The following GINS3 variants were observed in gnomAD, a reference collection of about 807,000 sequenced individuals.
GINS3 encodes the protein GINS complex subunit 3, also known as DNA replication complex GINS protein PSF3.
Under a neutral mutation model 20.0 loss-of-function variants are expected in GINS3, and 18 were observed. The ratio of observed to expected loss-of-function variants is 0.90; its 90% CI spans 0.62 to 1.33. GINS3 has a LOEUF of 1.33. Ranked by LOEUF, GINS3 falls within the 40% of genes most tolerant of loss-of-function variation. The pLI, the probability that GINS3 is intolerant of heterozygous loss-of-function variation, is 0.00. For synonymous variants in GINS3, 109 were observed against 107.0 expected, an observed-to-expected ratio of 1.02 and a Z score of -0.12; for missense variants, 254 against 273.6, an observed-to-expected ratio of 0.93 and a Z score of 0.51.
At chr16:58,397,304 C>T (rs1286297554) in intron 1 of GINS3, among the ~76,000 whole-genome samples, 79 of 150,278 alleles carry the variant, frequency 5.3e-4, no homozygotes, top group South Asian at 8.5e-4. Flanking sequence ...CGGGCAGAGA[C>T]GCTCCTCACT....
In GINS3 at chr16:58,403,286, T is replaced by C; in HGVS notation, c.375T>C (p.His125=). Residue 125 remains histidine, a synonymous_variant, in exon 2 of 3, where the codon CAT becomes CAC. Coordinates refer to ENST00000318129, the MANE Select transcript of GINS3 (RefSeq NM_022770.4). ...ACGGGTTTGGCTCCCAGCTCCTGCA[T>C]TTTGACAGTCCCGAGAATGCAGACA... ...HFYGFGSQLL[H]FDSPENADIS... 1 of 1,614,124 alleles carries C rather than the reference T, an allele frequency of 6.2e-7. No individual in the cohort carries two copies. The highest frequency in any genetic ancestry group is 2.2e-5 in the East Asian group (1 of 44,882).
chr16:58,399,644 TCTTA>T (rs1379161142), intron 1 of GINS3, among the ~76,000 whole-genome samples: 32 of 152,168 alleles, frequency 2.1e-4, no homozygotes, highest in African/African-American at 6.8e-4. Context: ...ATTTTTACCT[TCTTA>T]CTATTTTCTT....
intron 1 of GINS3, among the ~76,000 whole-genome samples, chr16:58,399,458 T>C (rs1237688200): frequency 6.6e-6 from 1 of 152,238 alleles, no homozygotes; most frequent in Non-Finnish European, 1.5e-5. Context: ...CTCCTGTCTT[T>C]TGATTCATGT....
intron 1 of GINS3, among the ~76,000 whole-genome samples, chr16:58,396,773 C>A (rs1596956817): frequency 8.1e-6 from 1 of 124,074 alleles, no homozygotes; most frequent in African/African-American, 3.2e-5. Flanking sequence ...CTGACCCCCC[C>A]ACCTCCTTCC....
chr16:58,400,929 C>G (rs1192694234), intron 1 of GINS3, among the ~76,000 whole-genome samples: 1 of 151,750 alleles, frequency 6.6e-6, no homozygotes, highest in African/African-American at 2.4e-5. Context: ...AGTCTTCTGC[C>G]TCAGCCTCCT....
At chr16:58,394,843 T>C (rs920256870) in intron 1 of GINS3, among the ~76,000 whole-genome samples, 1 of 152,150 alleles carries the variant, frequency 6.6e-6, no homozygotes, top group Non-Finnish European at 1.5e-5. Flanking sequence ...CATACTGTAC[T>C]CTTTGGATGG....
Position 58,404,653 on chromosome 16 carries a change from G to C in GINS3, c.575G>C (p.Gly192Ala). The change falls in exon 3 of 3, where the codon GGG becomes GCG. Residue 192 changes from glycine (G) to alanine (A), a missense_variant. By Grantham distance (60) the Gly-to-Ala change is moderately conservative. Transcript: ENST00000318129. ...AATGACTTTCAGTGTTGGGAGAAGGGGCAGGCTTCTCAGATCACAGCTTCC... is the reference window on the plus strand; with the variant it reads ...AATGACTTTCAGTGTTGGGAGAAGGCGCAGGCTTCTCAGATCACAGCTTCC... The part of the protein sequence containing the change: ...GLNDFQCWEK[G>A]QASQITASNL... The C allele has an allele frequency of 1.2e-6, 2 of 1,614,084 alleles. No homozygotes were observed. The highest frequency in any genetic ancestry group is 1.7e-6 in the Non-Finnish European group (2 of 1,179,990).
At chr16:58,394,513 A>G (rs1184768827) in intron 1 of GINS3, among the ~76,000 whole-genome samples, 1 of 151,794 alleles carries the variant, frequency 6.6e-6, no homozygotes, top group African/African-American at 2.4e-5. Context: ...CACCCAGCCA[A>G]TTTTTGTATT....
At chr16:58,400,625 A>G (rs936330877) in intron 1 of GINS3, among the ~76,000 whole-genome samples, 2 of 152,212 alleles carry the variant, frequency 1.3e-5, no homozygotes, top group Admixed American at 1.3e-4. Flanking sequence ...TAGCAGCCTC[A>G]GGCCTACTGT....
intron 1 of GINS3, among the ~76,000 whole-genome samples, chr16:58,396,349 C>T (rs1371145527): frequency 7.3e-5 from 9 of 123,546 alleles, no homozygotes; most frequent in African/African-American, 1.3e-4. Context: ...CGGGCAGAGG[C>T]GCCCCTCACC....
At chr16:58,402,833 A>T (rs1326265293) in intron 1 of GINS3, 1 of 515,068 alleles carries the variant, frequency 1.9e-6, no homozygotes, top group East Asian at 3.4e-5. Flanking sequence ...TTTATGTGTT[A>T]GTTAGAAAAC....
chr16:58,400,763 C>A (rs1471190994), intron 1 of GINS3, among the ~76,000 whole-genome samples: 1 of 151,006 alleles, frequency 6.6e-6, no homozygotes, highest in South Asian at 2.1e-4. Flanking sequence ...AAAAAAATTC[C>A]ATTTCCATTG....
chr16:58,395,767 A>G (rs570933230), intron 1 of GINS3, among the ~76,000 whole-genome samples: 11 of 152,234 alleles, frequency 7.2e-5, no homozygotes, highest in South Asian at 2.1e-4. Context: ...CGATTTCTCA[A>G]TCTTTTCCCC....
chr16:58,398,727 C>T (rs1160438673), intron 1 of GINS3, among the ~76,000 whole-genome samples: 1 of 152,038 alleles, frequency 6.6e-6, no homozygotes, highest in Non-Finnish European at 1.5e-5. Flanking sequence ...AAGACTAGTG[C>T]TTAATTTCAA....
At chr16:58,395,599 C>T (rs1207831858) in intron 1 of GINS3, among the ~76,000 whole-genome samples, 2 of 152,138 alleles carry the variant, frequency 1.3e-5, no homozygotes, top group Non-Finnish European at 2.9e-5. Flanking sequence ...TTAATCCATT[C>T]AACCCCTGAG....
chr16:58,403,473 C>A (rs947084979), intron 2 of GINS3, 142 bp downstream of exon 2: 2 of 615,362 alleles, frequency 3.3e-6, no homozygotes, highest in Non-Finnish European at 5.7e-6. Context: ...ACTGTCTGTC[C>A]ATTTTATATA....
chr16:58,398,346 A>G (rs1965911916), intron 1 of GINS3, among the ~76,000 whole-genome samples: 1 of 152,090 alleles, frequency 6.6e-6, no homozygotes. Flanking sequence ...ATGGTGGCTC[A>G]CACCTATAGA....
intron 1 of GINS3, 92 bp downstream of exon 1, chr16:58,392,879 T>G (rs1965802979): frequency 7.6e-7 from 1 of 1,320,652 alleles, no homozygotes; most frequent in Admixed American, 2.8e-5. Context: ...CGCGCTGCCC[T>G]TTGGGATTTG....
At chr16:58,400,620 G>A (rs1271752125) in intron 1 of GINS3, among the ~76,000 whole-genome samples, 2 of 152,200 alleles carry the variant, frequency 1.3e-5, no homozygotes, top group African/African-American at 4.8e-5. Context: ...TAAGATAGCA[G>A]CCTCAGGCCT....
Sources: allele counts gnomAD v4.1 joint callset (sites outside exome capture counted in the v4.1 genomes callset), GRCh38; gene constraint gnomAD v4.1.1; transcripts MANE v1.5; gene names NCBI Gene and HGNC (gene_info 2026-07-23, HGNC 2026-07-21).